The following ATP6V0A4 variants were observed in gnomAD, a reference collection of about 807,000 sequenced individuals.
ATP6V0A4 encodes V-type proton ATPase 116 kDa subunit a 4.
A neutral mutation model predicts 107.3 loss-of-function variants in ATP6V0A4; 86 were observed. The ratio of observed to expected loss-of-function variants is 0.80; its 90% confidence interval spans 0.67 to 0.96. The LOEUF (loss-of-function observed/expected upper bound fraction) is 0.96, where lower values mean the gene tolerates loss of function less well. Ranked by LOEUF, ATP6V0A4 falls within the 40% of genes least tolerant of loss-of-function variation. The pLI is 0.00. For synonymous variants in ATP6V0A4, 353 were observed against 381.4 expected, an observed-to-expected ratio of 0.93 and a Z score of 0.87; for missense variants, 908 against 1,045.6, an observed-to-expected ratio of 0.87 and a Z score of 1.81.
At chr7:138,718,233 C>T (rs150432248) in intron 19 of ATP6V0A4, among the ~76,000 whole-genome samples, 1,166 of 9,956 alleles carry the variant, frequency 0.12, 286 homozygotes, top group African/African-American at 0.28. Context: ...TGTGTGTGCG[C>T]GCAGTTATGG....
intron 1 of ATP6V0A4, among the ~76,000 whole-genome samples, chr7:138,792,317 T>C (rs1284375461): frequency 1.3e-5 from 2 of 152,168 alleles, no homozygotes; most frequent in African/African-American, 2.4e-5. Context: ...TTCTGAGGTC[T>C]TCATATTATC....
chr7:138,710,394 G>A (rs1042229551), intron 20 of ATP6V0A4, among the ~76,000 whole-genome samples: 8 of 151,916 alleles, frequency 5.3e-5, no homozygotes, highest in Admixed American at 2.6e-4. Context: ...GTTTCACCAC[G>A]TTGGCCAGGG....
At chr7:138,788,463 G>A (rs1808262165) in intron 1 of ATP6V0A4, among the ~76,000 whole-genome samples, 1 of 152,150 alleles carries the variant, frequency 6.6e-6, no homozygotes, top group Admixed American at 6.6e-5. Flanking sequence ...TTCTACCCGA[G>A]CTAACCCACA....
At chr7:138,758,189 A>G (rs1806603815) in intron 8 of ATP6V0A4, among the ~76,000 whole-genome samples, 1 of 152,218 alleles carries the variant, frequency 6.6e-6, no homozygotes, top group Admixed American at 6.5e-5. Flanking sequence ...AAATTTAAAA[A>G]TGATCTTTAC....
rs755391535 is a variant in ATP6V0A4 at position 138,733,021 on chromosome 7, T to A, written c.1764A>T (p.Gly588=). ...PEMIFILCLF[G]YLVFMIIFKW... ...TGAAAATGATCATGAAAACCAGGTA[T>A]CCAAACAGACACAGGATAAAAATCA... is the stretch of plus-strand genomic sequence containing the variant. The change falls in exon 17 of 22, where the codon GGA becomes GGT. Residue 588 remains glycine, a synonymous_variant. Transcript: ENST00000310018. 1.5e-5 allele frequency: 25 copies of A among 1,613,906 alleles called. No homozygotes were observed. The South Asian group carries it at 2.6e-4, about 17-fold the overall frequency.
chr7:138,718,504 A>G, intron 19 of ATP6V0A4, among the ~76,000 whole-genome samples: 1 of 113,684 alleles, frequency 8.8e-6, no homozygotes. Flanking sequence ...AGGTCTGCGG[A>G]GGGAGACGTC....
Position 138,707,353 on chromosome 7 carries a change from ATATAT to A in ATP6V0A4, c.2430-641_2430-637del, listed in dbSNP as rs1344607403. 1.4e-4 allele frequency among the ~76,000 whole-genome samples: 15 copies of A among 107,872 alleles called. No individual in the cohort carries two copies. The East Asian group carries it at 2.7e-3, about 19-fold the overall frequency. 70.8% of individuals were successfully genotyped at this position (107,872 alleles called of 152,430 possible). A position where few individuals can be genotyped will look rare whatever the true frequency, so the allele number is the denominator to read the frequency against. ...ATATTTATAATATATATATTATAAT[ATATAT>A]TATATTATATATATATTTATATATA... On this transcript the variant is annotated intron_variant, in intron 21 of 21. Coordinates refer to ENST00000310018, the MANE Select transcript of ATP6V0A4 (RefSeq NM_020632.3).
At position 138,762,983 on chromosome 7, in the gene ATP6V0A4, G is replaced by C. The variant is rs779869631; in HGVS notation, c.334C>G (p.Gln112Glu). The C allele has an allele frequency of 1.4e-4, 224 of 1,613,860 alleles. No homozygotes were observed. The highest frequency in any genetic ancestry group is 1.9e-4 in the Non-Finnish European group (220 of 1,180,028). ...CTTTGTTTCAAGGCCTGCTGGTTCT[G>C]GTTGGCTTCCTGTAACTCTCCTTCC... The part of the protein sequence containing the change: ...KLEGELQEAN[Q>E]NQQALKQSFL... The change falls in exon 6 of 22, where the codon CAG (glutamine) becomes GAG (glutamate). Residue 112 changes from glutamine (Q) to glutamate (E), a missense_variant. By Grantham distance (29) the Gln-to-Glu change is conservative (BLOSUM62 2). Coordinates refer to ENST00000310018, the MANE Select transcript of ATP6V0A4 (RefSeq NM_020632.3).
chr7:138,729,893 T>C (rs1392100819), intron 17 of ATP6V0A4, among the ~76,000 whole-genome samples: 1 of 151,834 alleles, frequency 6.6e-6, no homozygotes, highest in Admixed American at 6.6e-5. Flanking sequence ...TCACTCAACT[T>C]TTTTTTTTGA....
In ATP6V0A4 at chr7:138,706,466, C is replaced by G; in HGVS notation, c.*158G>C. On this transcript the variant is annotated 3_prime_UTR_variant, in exon 22 of 22. Transcript: ENST00000310018. ...TTCCTCTGACGTGGTTAAGTCGTATCAAATCCACAGGCTGACGTCCAAATA... is the reference window on the plus strand; with the variant it reads ...TTCCTCTGACGTGGTTAAGTCGTATGAAATCCACAGGCTGACGTCCAAATA... The G allele has an allele frequency of 1.1e-6, 1 of 909,562 alleles. No individual in the cohort carries two copies. The highest frequency in any genetic ancestry group is 1.7e-6 in the Non-Finnish European group (1 of 585,002). The allele number at this position is 909,562 out of a possible 1,614,324, so 56.3% of individuals were successfully genotyped here. A position where few individuals can be genotyped will look rare whatever the true frequency, so the allele number is the denominator to read the frequency against.
chr7:138,739,011 G>A (rs534425843), intron 15 of ATP6V0A4, among the ~76,000 whole-genome samples: 224 of 152,276 alleles, frequency 1.5e-3, no homozygotes, highest in South Asian at 3.1e-3. Flanking sequence ...CAGGCTGCGA[G>A]GAAGTATCGT....
chr7:138,706,850 C>G, intron 21 of ATP6V0A4, 133 bp from the exon 22 acceptor site: 1 of 1,392,342 alleles, frequency 7.2e-7, no homozygotes, highest in African/African-American at 1.5e-5. Context: ...TTGGCCACGG[C>G]AGGCACCCAG....
At chr7:138,793,901 T>C (rs1342955643) in intron 1 of ATP6V0A4, among the ~76,000 whole-genome samples, 3 of 152,126 alleles carry the variant, frequency 2.0e-5, no homozygotes, top group Non-Finnish European at 4.4e-5. Flanking sequence ...AAATTAGTCA[T>C]CCTGGGAAGT....
At position 138,729,945 on chromosome 7, in the gene ATP6V0A4, G is replaced by A. The variant is rs572716812; in HGVS notation, c.1909-1083C>T. Among the ~76,000 whole-genome samples, 35 of 152,140 alleles carry A rather than the reference G, an allele frequency of 2.3e-4. No homozygotes were observed. In the South Asian group the frequency reaches 3.3e-3, roughly 14 times the overall value. The stretch of plus-strand genomic sequence containing the variant: ...GTTGCCTAGGCTGGAGTGCAGTGGC[G>A]CCATCTTGGCTCACTGCAACCTCTG... On this transcript the variant is annotated intron_variant, in intron 17 of 21. Coordinates refer to ENST00000310018, the MANE Select transcript of ATP6V0A4 (RefSeq NM_020632.3).
At chr7:138,717,357 C>T (rs1268743638) in intron 19 of ATP6V0A4, among the ~76,000 whole-genome samples, 3 of 151,522 alleles carry the variant, frequency 2.0e-5, no homozygotes, top group Non-Finnish European at 2.9e-5. Flanking sequence ...ACCATCCTGG[C>T]GAACACGGTG....
intron 19 of ATP6V0A4, among the ~76,000 whole-genome samples, chr7:138,720,318 T>A (rs1804366716): frequency 6.6e-6 from 1 of 152,116 alleles, no homozygotes; most frequent in South Asian, 2.1e-4. Flanking sequence ...GAGACCCATG[T>A]ATGATTAGAC....
At position 138,761,419 on chromosome 7, in the gene ATP6V0A4, G is replaced by A. The variant is rs559346616; in HGVS notation, c.512+921C>T. ...GGAGGCCAAGGCAGGCGGATCACGAGGTCAGGAGATCGAGACCATCCTGCC... is the reference window on the plus strand; with the variant it reads ...GGAGGCCAAGGCAGGCGGATCACGAAGTCAGGAGATCGAGACCATCCTGCC... On this transcript the variant is annotated intron_variant, in intron 7 of 21. Transcript: ENST00000310018. Among the ~76,000 whole-genome samples, 8 of 152,108 alleles carry A rather than the reference G, an allele frequency of 5.3e-5. 1 individual carries two copies. The highest frequency in any genetic ancestry group is 1.9e-4 in the African/African-American group (8 of 41,510).
At chr7:138,797,842 G>A in intron 1 of ATP6V0A4, 192 bp downstream of exon 1, 2 of 641,200 alleles carry the variant, frequency 3.1e-6, no homozygotes, top group South Asian at 1.8e-5. Context: ...TTGCGCTCAG[G>A]GGAGAAGGGC....
At chr7:138,768,417 A>G (rs562298967) in intron 5 of ATP6V0A4, among the ~76,000 whole-genome samples, 9 of 152,234 alleles carry the variant, frequency 5.9e-5, no homozygotes, top group Non-Finnish European at 1.3e-4. Context: ...CCCACCAGAG[A>G]ATTAGAAAAC....
Sources: gnomAD v4.1 joint callset for allele counts (sites outside exome capture counted in the v4.1 genomes callset) on GRCh38, gnomAD v4.1.1 for gene constraint, MANE v1.5 for transcripts, NCBI Gene and HGNC (gene_info 2026-07-23, HGNC 2026-07-21) for gene names.